The following DNAL1 variants were observed in gnomAD, a reference collection of about 807,000 sequenced individuals.
DNAL1 encodes chromosome 14 open reading frame 168.
In DNAL1, 17 loss-of-function variants were observed where a neutral mutation model predicts 29.4. That is an observed-to-expected ratio of 0.58 (90% CI 0.40 to 0.87). The LOEUF (loss-of-function observed/expected upper bound fraction) is 0.87, where lower values mean the gene tolerates loss of function less well. Among genes scored for constraint, DNAL1 ranks in the 40% least tolerant of loss-of-function variants. The pLI, the probability that DNAL1 is intolerant of heterozygous loss-of-function variation, is 0.00. For synonymous variants in DNAL1, 78 were observed against 76.3 expected (o/e 1.02, Z -0.12); for missense variants, 188 against 214.1 (o/e 0.88, Z 0.76).
At chr14:73,689,261 T>C (rs1892104224) in intron 6 of DNAL1, 114 bp from the exon 7 acceptor site, 1 of 1,222,358 alleles carries the variant, frequency 8.2e-7, no homozygotes, top group East Asian at 2.6e-5. Flanking sequence ...CTCGATCTCC[T>C]GATGTCGTGA....
chr14:73,679,825 CTT>C (rs1204415869), intron 5 of DNAL1, among the ~76,000 whole-genome samples: 1 of 150,066 alleles, frequency 6.7e-6, no homozygotes, highest in East Asian at 1.9e-4. Flanking sequence ...AGTCTATACT[CTT>C]AATTCATCTG....
At chr14:73,663,202 A>ATTT (rs58367000) in intron 4 of DNAL1, among the ~76,000 whole-genome samples, 26 of 125,158 alleles carry the variant, frequency 2.1e-4, no homozygotes, top group African/African-American at 4.1e-4. Context: ...GGTCCCAGTA[A>ATTT]TTTTTTTTTT....
At chr14:73,647,296 C>T (rs772738347) in intron 1 of DNAL1, among the ~76,000 whole-genome samples, 8 of 144,544 alleles carry the variant, frequency 5.5e-5, no homozygotes, top group African/African-American at 1.3e-4. Context: ...ACCCGGGAGG[C>T]GGAGCTTGCA....
In DNAL1 at chr14:73,661,169, A is replaced by AT. The variant is rs1429059704; in HGVS notation, c.153-818_153-817insT. 2.6e-3 allele frequency among the ~76,000 whole-genome samples: 395 copies of AT among 150,740 alleles called. 3 individuals are homozygous for AT. Among genetic ancestry groups the AT allele is most frequent in the African/African-American group, 9.1e-3 (368 of 40,264 alleles). ...ACAGAGCGAGACTCTGTCTAAAAAA[A>AT]AAATATATATATTGTTCTGCTAGAT... is the stretch of plus-strand genomic sequence containing the variant. On this transcript the variant is annotated intron_variant, in intron 3 of 7. Coordinates refer to ENST00000553645, the MANE Select transcript of DNAL1 (RefSeq NM_031427.4).
rs1892462931 is a variant in DNAL1 at position 73,702,565 on chromosome 14, G to A, written c.*6623G>A. 1 of 151,842 alleles carries A rather than the reference G, an allele frequency of 6.6e-6. No homozygotes were observed. Among genetic ancestry groups the A allele is most frequent in the East Asian group, 1.9e-4 (1 of 5,170 alleles). 9.4% of individuals were successfully genotyped at this position (151,842 alleles called of 1,614,324 possible). A position where few individuals can be genotyped will look rare whatever the true frequency, so the allele number is the denominator to read the frequency against. ...AGGCTTCTGGAAAGAGTGCTTCCAG[G>A]GACAGCAAGTTACTACTGCACTTGA... On this transcript the variant is annotated 3_prime_UTR_variant, in exon 8 of 8. Coordinates refer to ENST00000553645, the MANE Select transcript of DNAL1 (RefSeq NM_031427.4).
chr14:73,700,480 G>A lies in DNAL1; in HGVS notation c.*4538G>A, dbSNP rs1279166028. ...GAAGAATAAGAAATGAATCTTGACT[G>A]TTGACTTATTCTGAGAATTGGTGAT... On this transcript the variant is annotated 3_prime_UTR_variant, in exon 8 of 8. Transcript: ENST00000553645. 6.6e-6 allele frequency: 1 copy of A among 152,204 alleles called. No individual in the cohort carries two copies. The highest frequency in any genetic ancestry group is 2.4e-5 in the African/African-American group (1 of 41,456). 9.4% of individuals were successfully genotyped at this position (152,204 alleles called of 1,614,324 possible). A position where few individuals can be genotyped will look rare whatever the true frequency, so the allele number is the denominator to read the frequency against.
chr14:73,651,914 C>G (rs1160063300), intron 1 of DNAL1, among the ~76,000 whole-genome samples: 1 of 152,188 alleles, frequency 6.6e-6, no homozygotes, highest in Non-Finnish European at 1.5e-5. Flanking sequence ...GCCTCAGCCT[C>G]CCAAAGTGCT....
intron 1 of DNAL1, among the ~76,000 whole-genome samples, chr14:73,653,407 G>A (rs1891149942): frequency 6.6e-6 from 1 of 151,952 alleles, no homozygotes; most frequent in African/African-American, 2.4e-5. Flanking sequence ...GCTGGAATGT[G>A]GTGGTGCGAT....
intron 5 of DNAL1, among the ~76,000 whole-genome samples, chr14:73,675,661 A>C (rs796231964): frequency 6.6e-6 from 1 of 152,054 alleles, no homozygotes; most frequent in African/African-American, 2.4e-5. Context: ...TATATATAGT[A>C]GACACTCTGT....
At position 73,657,854 on chromosome 14, in the gene DNAL1, C is replaced by T. The variant is rs184410663; in HGVS notation, c.43-993C>T. 1.2e-3 allele frequency among the ~76,000 whole-genome samples: 180 copies of T among 152,352 alleles called. 1 individual carries two copies. Among genetic ancestry groups the T allele is most frequent in the Non-Finnish European group, 1.7e-3 (113 of 68,040 alleles). ...AGGTGATCCACCCTCCTCGGCCTCCCGAAGTGCTGGGATTACAGGCGTGCA... is the reference window on the plus strand; with the variant it reads ...AGGTGATCCACCCTCCTCGGCCTCCTGAAGTGCTGGGATTACAGGCGTGCA... On this transcript the variant is annotated intron_variant, in intron 2 of 7. Coordinates refer to ENST00000553645, the MANE Select transcript of DNAL1 (RefSeq NM_031427.4).
chr14:73,695,320 G>T (rs990442865), intron 7 of DNAL1, among the ~76,000 whole-genome samples: 7 of 151,744 alleles, frequency 4.6e-5, no homozygotes, highest in African/African-American at 1.7e-4. Flanking sequence ...GCCTCCCAAA[G>T]TGCTGGAATT....
chr14:73,680,293 CT>C (rs1185434004), intron 5 of DNAL1, among the ~76,000 whole-genome samples: 4 of 152,148 alleles, frequency 2.6e-5, no homozygotes, highest in Admixed American at 6.5e-5. Context: ...TTGTTGCAAT[CT>C]TTTGTACAAG....
rs1389927252 is a variant in DNAL1, at chr14:73,692,642, CA to C, written c.532+3129del. Among the ~76,000 whole-genome samples, 4 of 151,602 alleles carry C rather than the reference CA, an allele frequency of 2.6e-5. 1 individual carries two copies. Among genetic ancestry groups the C allele is most frequent in the Admixed American group, 2.6e-4 (4 of 15,228 alleles). On this transcript the variant is annotated intron_variant, in intron 7 of 7. Transcript: ENST00000553645. ...AAAAAAAAGAATAAAATAGAACCAC[CA>C]ATGTAGAACTTGAATAGACAAAGCT...
At chr14:73,647,382 GAAAAAGAAAAA>G (rs1891005381) in intron 1 of DNAL1, among the ~76,000 whole-genome samples, 2 of 85,278 alleles carry the variant, frequency 2.3e-5, no homozygotes, top group Non-Finnish European at 4.8e-5. Flanking sequence ...AAAAAAAAAA[GAAAAAGAAAAA>G]GAAAAAGAAA....
intron 6 of DNAL1, among the ~76,000 whole-genome samples, chr14:73,688,512 A>G (rs1421660331): frequency 2.0e-5 from 3 of 152,174 alleles, no homozygotes; most frequent in Non-Finnish European, 2.9e-5. Flanking sequence ...AGTCCAAGCT[A>G]CTTGGGAGGC....
At chr14:73,687,795 C>T (rs1004553117) in intron 6 of DNAL1, among the ~76,000 whole-genome samples, 4 of 152,066 alleles carry the variant, frequency 2.6e-5, no homozygotes, top group Non-Finnish European at 5.9e-5. Context: ...ATGGCGTGAA[C>T]CCGGGAGGCG....
intron 7 of DNAL1, among the ~76,000 whole-genome samples, chr14:73,690,455 C>G (rs1892144222): frequency 6.6e-6 from 1 of 151,996 alleles, no homozygotes; most frequent in African/African-American, 2.4e-5. Context: ...GAGTTCGAGA[C>G]CAGCCTGACC....
intron 7 of DNAL1, among the ~76,000 whole-genome samples, chr14:73,693,575 C>T (rs2140064902): frequency 6.6e-6 from 1 of 152,204 alleles, no homozygotes; most frequent in South Asian, 2.1e-4. Context: ...ACACAGGGTA[C>T]ATACTATATC....
At chr14:73,681,633 A>AATATATATATATATATATATATATAT (rs71112793) in intron 5 of DNAL1, among the ~76,000 whole-genome samples, 2 of 35,418 alleles carry the variant, frequency 5.6e-5, no homozygotes, top group African/African-American at 2.2e-4. Flanking sequence ...AAAAAAAAAA[A>AATATATATATATATATATATATATAT]ATATATATAT....
Sources: gnomAD v4.1 joint callset for allele counts (sites outside exome capture counted in the v4.1 genomes callset) on GRCh38, gnomAD v4.1.1 for gene constraint, MANE v1.5 for transcripts, NCBI Gene and HGNC (gene_info 2026-07-23, HGNC 2026-07-21) for gene names.